Variants in PALLD observed in about 807,000 individuals in gnomAD.
The protein encoded by PALLD is palladin, cytoskeletal associated protein.
Under a neutral mutation model 123.5 loss-of-function variants are expected in PALLD, and 61 were observed. That is an observed-to-expected ratio of 0.49 (90% CI 0.40 to 0.61). The LOEUF (loss-of-function observed/expected upper bound fraction) is 0.61. Among genes scored for constraint, PALLD ranks in the 20% least tolerant of loss-of-function variants. The pLI, the probability that PALLD is intolerant of heterozygous loss-of-function variation, is 0.00. For synonymous variants in PALLD, 465 were observed against 496.4 expected, an observed-to-expected ratio of 0.94 and a Z score of 0.84; for missense variants, 1,273 against 1,377.0, an observed-to-expected ratio of 0.92 and a Z score of 1.20.
At chr4:168,839,069 C>G (rs1169930284) in intron 10 of PALLD, among the ~76,000 whole-genome samples, 1 of 152,144 alleles carries the variant, frequency 6.6e-6, no homozygotes, top group African/African-American at 2.4e-5. Context: ...CCTCCCACCT[C>G]AGTCTCCCAA....
rs577992802 is a variant in PALLD at position 168,606,915 on chromosome 4, A to AT, written c.909-61271dup. The stretch of plus-strand genomic sequence containing the variant: ...GAGCCATCTTGAGGCACAAGCTGAG[A>AT]TTTTCTCTTGCTCATAACATTGAGT... On this transcript the variant is annotated intron_variant, in intron 2 of 21. Coordinates refer to ENST00000505667, the MANE Select transcript of PALLD (RefSeq NM_001166108.2). 1.0e-3 allele frequency among the ~76,000 whole-genome samples: 158 copies of AT among 152,258 alleles called. 1 individual carries two copies. The highest frequency in any genetic ancestry group is 1.9e-3 in the Non-Finnish European group (129 of 68,026).
At chr4:168,858,402 C>T (rs6815806) in intron 10 of PALLD, among the ~76,000 whole-genome samples, 3,448 of 152,206 alleles carry the variant, frequency 0.023, 130 homozygotes, top group African/African-American at 0.076. Context: ...AGAAAGTATC[C>T]ATTGTAATCT....
chr4:168,877,496 G>GA (rs1432060991), intron 10 of PALLD, among the ~76,000 whole-genome samples: 2 of 152,218 alleles, frequency 1.3e-5, no homozygotes, highest in Non-Finnish European at 2.9e-5. Context: ...CACCTTATGT[G>GA]AAACTTAAAT....
chr4:168,692,504 C>T (rs1314919003), intron 8 of PALLD, among the ~76,000 whole-genome samples: 1 of 152,188 alleles, frequency 6.6e-6, no homozygotes, highest in Non-Finnish European at 1.5e-5. Flanking sequence ...TTTTCTAATA[C>T]ATGGATTTTC....
chr4:168,858,420 T>G (rs1438916845), intron 10 of PALLD, among the ~76,000 whole-genome samples: 1 of 152,220 alleles, frequency 6.6e-6, no homozygotes, highest in Non-Finnish European at 1.5e-5. Flanking sequence ...TCTCTTTAAT[T>G]TGGCATGTTT....
At chr4:168,584,079 A>G (rs1770564733) in intron 2 of PALLD, among the ~76,000 whole-genome samples, 1 of 152,212 alleles carries the variant, frequency 6.6e-6, no homozygotes, top group Admixed American at 6.5e-5. Flanking sequence ...GAAGGAACCA[A>G]ATAAATATCA....
intron 10 of PALLD, among the ~76,000 whole-genome samples, chr4:168,845,066 G>C (rs992330655): frequency 2.7e-4 from 41 of 151,834 alleles, no homozygotes; most frequent in Admixed American, 1.0e-3. Context: ...AAGCTGGAGG[G>C]GGGAGGGCTG....
intron 15 of PALLD, among the ~76,000 whole-genome samples, chr4:168,904,587 A>C (rs1370455093): frequency 3.9e-5 from 6 of 152,146 alleles, no homozygotes; most frequent in Non-Finnish European, 8.8e-5. Context: ...AAAAATGAGT[A>C]AAAAGTTATT....
In PALLD at chr4:168,511,777, G is replaced by A. The variant is rs767850792; in HGVS notation, c.273G>A (p.Ser91=). 13 of 1,614,142 alleles carry A rather than the reference G, an allele frequency of 8.1e-6. No individual in the cohort carries two copies. The highest frequency in any genetic ancestry group is 4.4e-5 in the South Asian group (4 of 91,074). The part of the protein sequence containing the change: ...HKETKLGEHA[S]RRPQDNRSTP... Reference sequence around the variant, plus strand: ...AGACCAAATTGGGTGAACACGCCTCGAGGAGACCTCAGGATAACAGGTCAA... The same window carrying A: ...AGACCAAATTGGGTGAACACGCCTCAAGGAGACCTCAGGATAACAGGTCAA... The change falls in exon 2 of 22, where the codon TCG becomes TCA. Residue 91 remains serine, a synonymous_variant. Coordinates refer to ENST00000505667, the MANE Select transcript of PALLD (RefSeq NM_001166108.2).
intron 10 of PALLD, among the ~76,000 whole-genome samples, chr4:168,772,916 C>T (rs982731255): frequency 1.3e-5 from 2 of 152,004 alleles, no homozygotes; most frequent in Admixed American, 6.6e-5. Flanking sequence ...TGAGCCTCTT[C>T]AGAAAGACGG....
chr4:168,712,931 G>T (rs1784978100), intron 10 of PALLD, among the ~76,000 whole-genome samples: 1 of 152,250 alleles, frequency 6.6e-6, no homozygotes, highest in South Asian at 2.1e-4. Context: ...AAAGATATTT[G>T]AATTAGAATA....
At position 168,898,493 on chromosome 4, in the gene PALLD, G is replaced by A. The variant is rs759161069; in HGVS notation, c.2251G>A (p.Glu751Lys). 1.9e-6 allele frequency: 3 copies of A among 1,605,934 alleles called. No homozygotes were observed. ...SVGSPLDGQK[E>K]YKVSSCEQRL... ...CTAACTTAAACTTTCCTTGATTCAG[G>A]AATACAAAGTCTCCAGCTGTGAACA... The change falls in exon 14 of 22, where the codon GAA becomes AAA. Residue 751 changes from glutamate to lysine, a missense_variant and splice_region_variant. Coordinates refer to ENST00000505667, the MANE Select transcript of PALLD (RefSeq NM_001166108.2).
At chr4:168,743,292 C>T (rs1210107580) in intron 10 of PALLD, among the ~76,000 whole-genome samples, 1 of 152,154 alleles carries the variant, frequency 6.6e-6, no homozygotes, top group Non-Finnish European at 1.5e-5. Context: ...TGCTTGATTA[C>T]ACCACGCGGC....
chr4:168,583,969 C>A (rs1026671502), intron 2 of PALLD, among the ~76,000 whole-genome samples: 1 of 152,094 alleles, frequency 6.6e-6, no homozygotes, highest in Non-Finnish European at 1.5e-5. Context: ...ATTAAATTTT[C>A]TGAGCCCAAA....
chr4:168,544,962 G>A (rs888055089), intron 2 of PALLD, among the ~76,000 whole-genome samples: 3 of 152,156 alleles, frequency 2.0e-5, no homozygotes, highest in Non-Finnish European at 4.4e-5. Flanking sequence ...TCACTCACTT[G>A]GGTAGAGGCT....
chr4:168,729,558 C>T (rs749259301), intron 10 of PALLD, among the ~76,000 whole-genome samples: 15 of 152,172 alleles, frequency 9.9e-5, no homozygotes, highest in Non-Finnish European at 1.6e-4. Context: ...CGGAATTCCC[C>T]ATCATTCATT....
chr4:168,560,915 A>C (rs926803818), intron 2 of PALLD, among the ~76,000 whole-genome samples: 1 of 152,250 alleles, frequency 6.6e-6, no homozygotes, highest in African/African-American at 2.4e-5. Flanking sequence ...GTACTCTAGC[A>C]TAACTAAGCT....
At chr4:168,700,065 T>C in intron 8 of PALLD, 1 of 336,376 alleles carries the variant, frequency 3.0e-6, no homozygotes, top group Non-Finnish European at 6.0e-6. Context: ...AGATGAAAAT[T>C]CAGTATTACA....
chr4:168,728,215 T>C (rs1232832180), intron 10 of PALLD, among the ~76,000 whole-genome samples: 1 of 152,232 alleles, frequency 6.6e-6, no homozygotes, highest in Non-Finnish European at 1.5e-5. Context: ...ATATGAATTT[T>C]AGAATAGTTT....
Sources: allele counts gnomAD v4.1 joint callset (sites outside exome capture counted in the v4.1 genomes callset), GRCh38; gene constraint gnomAD v4.1.1; transcripts MANE v1.5; gene names NCBI Gene and HGNC (gene_info 2026-07-23, HGNC 2026-07-21).